The following CCDC110 variants were observed in gnomAD, a reference collection of about 807,000 sequenced individuals.
CCDC110 encodes the protein coiled-coil domain containing 110, also known as coiled-coil domain-containing protein 110.
Under a neutral mutation model 77.1 loss-of-function variants are expected in CCDC110, and 70 were observed. That is an observed-to-expected ratio of 0.91 (90% CI 0.75 to 1.11). The LOEUF (loss-of-function observed/expected upper bound fraction) is 1.11, where lower values mean the gene tolerates loss of function less well. Ranked by LOEUF, CCDC110 falls within the 50% of genes least tolerant of loss-of-function variation. CCDC110 has a pLI of 0.00. For synonymous variants in CCDC110, 295 were observed against 312.5 expected, an observed-to-expected ratio of 0.94 and a Z score of 0.59; for missense variants, 868 against 942.9, an observed-to-expected ratio of 0.92 and a Z score of 1.04.
rs1207827605 is a variant in CCDC110 at position 185,468,832 on chromosome 4, C to G, written c.115+2113G>C. On this transcript the variant is annotated intron_variant, in intron 2 of 6. Coordinates refer to ENST00000307588, the MANE Select transcript of CCDC110 (RefSeq NM_152775.4). This position sits in a 1 kb window ranked among gnomAD's most constrained non-coding sequence, Gnocchi z 4.5. ...TTTATTCCCCGCTTACACACAATAGCCTTTGTCTGTCTGTTCCCTCACTAG... is the reference window on the plus strand; with the variant it reads ...TTTATTCCCCGCTTACACACAATAGGCTTTGTCTGTCTGTTCCCTCACTAG... Among the ~76,000 whole-genome samples the G allele has an allele frequency of 6.6e-6, 1 of 152,190 alleles. No individual in the cohort carries two copies. The highest frequency in any genetic ancestry group is 2.1e-4 in the South Asian group (1 of 4,832).
intron 2 of CCDC110, chr4:185,470,462 T>C (rs566689997): frequency 3.9e-4 from 136 of 345,420 alleles, no homozygotes; most frequent in African/African-American, 2.1e-3. Context: ...TTAAAAATTT[T>C]CCCCCCTGAA....
intron 6 of CCDC110, chr4:185,457,276 AG>A (rs1178091413): frequency 6.6e-6 from 3 of 456,196 alleles, no homozygotes; most frequent in Non-Finnish European, 1.3e-5. Context: ...CAACCTTGGA[AG>A]CTAGAGATTG....
chr4:185,453,323 T>C (rs1191959991), intron 6 of CCDC110, among the ~76,000 whole-genome samples: 1 of 152,234 alleles, frequency 6.6e-6, no homozygotes, highest in Non-Finnish European at 1.5e-5. Flanking sequence ...TTTCATCAGT[T>C]ATAACTTAAT....
Position 185,466,114 on chromosome 4 carries a change from A to G in CCDC110, c.116-3065T>C, listed in dbSNP as rs187479574. On this transcript the variant is annotated intron_variant, in intron 2 of 6. Coordinates refer to ENST00000307588, the MANE Select transcript of CCDC110 (RefSeq NM_152775.4). Reference sequence around the variant, plus strand: ...GGATGGGCCGGGTGCAGTGGCTCGCACCTGTAATCCCAGCACTTTGGGAGG... The same window carrying G: ...GGATGGGCCGGGTGCAGTGGCTCGCGCCTGTAATCCCAGCACTTTGGGAGG... Among the ~76,000 whole-genome samples the G allele has an allele frequency of 5.1e-3, 778 of 152,230 alleles. 3 individuals carry two copies. Among genetic ancestry groups the G allele is most frequent in the African/African-American group, 0.018 (735 of 41,560 alleles).
At position 185,463,038 on chromosome 4, in the gene CCDC110, T is replaced by C; in HGVS notation, c.127A>G (p.Ile43Val). ...TGGATTTGATTTTCTGATTCTGCTA[T>C]GCAGCCATATTCTAAGAAGCAAAAT... ...SGCSDTEYGC[I>V]AESENQIQPQ... Residue 43 changes from isoleucine to valine, a missense_variant, in exon 3 of 7, where the codon ATA becomes GTA. Coordinates refer to ENST00000307588, the MANE Select transcript of CCDC110 (RefSeq NM_152775.4). 6.2e-7 allele frequency: 1 copy of C among 1,613,364 alleles called. No homozygotes were observed. Among genetic ancestry groups the C allele is most frequent in the South Asian group, 1.1e-5 (1 of 90,968 alleles).
chr4:185,462,916 A>G (rs2095648977), intron 3 of CCDC110, 78 bp downstream of exon 3: 1 of 1,243,566 alleles, frequency 8.0e-7, no homozygotes, highest in African/African-American at 1.5e-5. Context: ...ACCCGTTTGC[A>G]TTTAGGGAGT....
intron 4 of CCDC110, 49 bp from the exon 5 acceptor site, chr4:185,461,208 T>C (rs761481427): frequency 1.5e-5 from 14 of 946,180 alleles, no homozygotes; most frequent in Non-Finnish European, 2.2e-5. Flanking sequence ...TGTAAACTTA[T>C]GAATGTACAG....
chr4:185,461,291 A>G, intron 4 of CCDC110, 132 bp from the exon 5 acceptor site: 1 of 507,330 alleles, frequency 2.0e-6, no homozygotes, highest in African/African-American at 2.0e-5. Context: ...ATCTTATAGA[A>G]TATAAATGAA....
intron 2 of CCDC110, chr4:185,470,503 G>A: frequency 2.9e-6 from 1 of 345,834 alleles, no homozygotes; most frequent in East Asian, 7.5e-5. Flanking sequence ...TTGAATCCAA[G>A]GATGCGGAAC....
At position 185,459,829 on chromosome 4, in the gene CCDC110, T is replaced by C. The variant is rs754595236; in HGVS notation, c.758A>G (p.Gln253Arg). ...HSIKQMKEEL[Q>R]KSHDGEVALT... is the part of the protein sequence containing the mutation. ...TGCCACTTCCCCATCATGTGACTTT[T>C]GAAGCTCTTCTTTCATTTGTTTGAT... The change falls in exon 6 of 7, where the codon CAA becomes CGA. Residue 253 changes from glutamine (Q) to arginine (R), a missense_variant. Gln to Arg is a conservative substitution (Grantham distance 43, BLOSUM62 1). Transcript: ENST00000307588. 5.7e-5 allele frequency: 92 copies of C among 1,613,344 alleles called. No individual in the cohort carries two copies. The highest frequency in any genetic ancestry group is 5.6e-5 in the Non-Finnish European group (66 of 1,179,852).
In CCDC110 at chr4:185,445,310, C is replaced by G; in HGVS notation, c.*192G>C. ...GCCCTCCCTTGTAGAAGTTCTCCCCCATCTTCTGAAATTCCCAGCTGAGAA... is the reference window on the plus strand; with the variant it reads ...GCCCTCCCTTGTAGAAGTTCTCCCCGATCTTCTGAAATTCCCAGCTGAGAA... On this transcript the variant is annotated 3_prime_UTR_variant, in exon 7 of 7. Coordinates refer to ENST00000307588, the MANE Select transcript of CCDC110 (RefSeq NM_152775.4). 1.4e-6 allele frequency: 1 copy of G among 710,142 alleles called. No homozygotes were observed. Among genetic ancestry groups the G allele is most frequent in the South Asian group, 2.1e-5 (1 of 46,672 alleles). 44.0% of individuals were successfully genotyped at this position (710,142 alleles called of 1,614,324 possible).
intron 2 of CCDC110, among the ~76,000 whole-genome samples, chr4:185,465,505 T>C (rs1561168463): frequency 1.3e-5 from 2 of 152,178 alleles, no homozygotes; most frequent in East Asian, 3.8e-4. Context: ...AGTGGACCCA[T>C]GGGAGCACAA....
chr4:185,466,288 T>C (rs900146470), intron 2 of CCDC110, among the ~76,000 whole-genome samples: 4 of 152,024 alleles, frequency 2.6e-5, no homozygotes, highest in African/African-American at 9.7e-5. Context: ...GGCAGGAGAA[T>C]CGTTTGAACG....
chr4:185,446,940 T>C (rs2095613632), intron 6 of CCDC110, among the ~76,000 whole-genome samples: 1 of 152,176 alleles, frequency 6.6e-6, no homozygotes, highest in Non-Finnish European at 1.5e-5. Context: ...TGCATCTTTT[T>C]TTTGAGCCTC....
chr4:185,451,490 A>AT (rs1303196890), intron 6 of CCDC110, among the ~76,000 whole-genome samples: 1 of 152,166 alleles, frequency 6.6e-6, no homozygotes, highest in Non-Finnish European at 1.5e-5. Context: ...TTTTAAAGGA[A>AT]TTTTTCATGC....
In CCDC110 at chr4:185,458,204, C is replaced by A; in HGVS notation, c.2383G>T (p.Glu795Ter). ...GTATAGTTGTCAAAATGGAATTTCT[C>A]TCTTCTTGAAATGTAAGTTGTTTTT... ...PSKTTYISRR[E>*]KFHFDNYTHE... Residue 795 changes from glutamate to a stop codon, truncating the protein, a stop_gained, in exon 6 of 7, where the codon GAG becomes TAG. Transcript: ENST00000307588. LOFTEE classifies it high-confidence loss of function. 6.2e-7 allele frequency: 1 copy of A among 1,606,530 alleles called. No homozygotes were observed. The highest frequency in any genetic ancestry group is 8.5e-7 in the Non-Finnish European group (1 of 1,178,020).
rs773194702 is a variant in CCDC110, at chr4:185,460,031, G to A, written c.556C>T (p.His186Tyr). The stretch of plus-strand genomic sequence containing the variant: ...AAGATGTCAGAATTTTCTGAAGGGT[G>A]TATAATTATGTTTGAAGATAAATTG... ...TDNLSSNIII[H>Y]PSENSDILKN... The change falls in exon 6 of 7, where the codon CAC becomes TAC. Residue 186 changes from histidine (H) to tyrosine (Y), a missense_variant. By Grantham distance (83) the His-to-Tyr change is moderately conservative. Transcript: ENST00000307588. The A allele has an allele frequency of 1.9e-6, 3 of 1,613,366 alleles. No individual in the cohort carries two copies. Among genetic ancestry groups the A allele is most frequent in the African/African-American group, 1.3e-5 (1 of 75,024 alleles).
intron 3 of CCDC110, 49 bp downstream of exon 3, chr4:185,462,945 C>A: frequency 7.0e-7 from 1 of 1,436,176 alleles, no homozygotes; most frequent in Non-Finnish European, 9.8e-7. Context: ...TGAAAAAGAT[C>A]AGCCTTTACC....
In CCDC110 at chr4:185,470,483, C is replaced by A. The variant is rs373649191; in HGVS notation, c.115+462G>T. The A allele has an allele frequency of 1.2e-5, 4 of 340,370 alleles. No individual in the cohort carries two copies. In the East Asian group the frequency reaches 2.3e-4, roughly 19 times the overall value. 21.1% of individuals were successfully genotyped at this position (340,370 alleles called of 1,614,324 possible). The stretch of plus-strand genomic sequence containing the variant: ...ATTTTCCCCCCTGAATATTTTCCAT[C>A]TGTGGTTGGTTGAATCCAAGGATGC... On this transcript the variant is annotated intron_variant, in intron 2 of 6. Coordinates refer to ENST00000307588, the MANE Select transcript of CCDC110 (RefSeq NM_152775.4).
Sources: gnomAD v4.1 joint callset for allele counts (sites outside exome capture counted in the v4.1 genomes callset) on GRCh38, gnomAD v4.1.1 for gene constraint, Gnocchi (gnomAD v3.1) non-coding constraint, MANE v1.5 for transcripts, NCBI Gene and HGNC (gene_info 2026-07-23, HGNC 2026-07-21) for gene names.